The following SLC35F2 variants were observed in gnomAD, a reference collection of about 807,000 sequenced individuals.
The protein encoded by SLC35F2 is solute carrier family 35 member F2.
A neutral mutation model predicts 38.1 loss-of-function variants in SLC35F2; 25 were observed. The observed-to-expected ratio is 0.66, with a 90% CI of 0.48 to 0.92. SLC35F2 has a LOEUF of 0.92. Among genes scored for constraint, SLC35F2 ranks in the 40% least tolerant of loss-of-function variants. The pLI is 0.00. For synonymous variants in SLC35F2, 173 were observed against 181.7 expected (o/e 0.95, Z 0.38); for missense variants, 409 against 452.9 (o/e 0.90, Z 0.88).
At chr11:107,798,769 A>G (rs576817441) in intron 7 of SLC35F2, among the ~76,000 whole-genome samples, 1 of 152,246 alleles carries the variant, frequency 6.6e-6, no homozygotes, top group African/African-American at 2.4e-5. Context: ...CAAGCTTACA[A>G]TCTGCCTTTA....
At chr11:107,821,459 G>C in intron 1 of SLC35F2, 4 of 985,350 alleles carry the variant, frequency 4.1e-6, no homozygotes, top group Non-Finnish European at 4.8e-6. Flanking sequence ...AGAGAGAAAA[G>C]CTGGCGGGGA....
chr11:107,818,653 A>G (rs2134800224), intron 1 of SLC35F2, among the ~76,000 whole-genome samples: 2 of 152,302 alleles, frequency 1.3e-5, no homozygotes, highest in South Asian at 2.1e-4. Flanking sequence ...AGGGCCATCC[A>G]TATTGATACA....
At chr11:107,799,830 A>T (rs1425144263) in intron 7 of SLC35F2, among the ~76,000 whole-genome samples, 1 of 139,322 alleles carries the variant, frequency 7.2e-6, no homozygotes, top group Non-Finnish European at 1.6e-5. Flanking sequence ...GGCCTCCCAA[A>T]GTGCAGGCGT....
At chr11:107,855,321 G>C (rs762146966) in intron 1 of SLC35F2, among the ~76,000 whole-genome samples, 7 of 152,062 alleles carry the variant, frequency 4.6e-5, no homozygotes, top group Non-Finnish European at 8.8e-5. Context: ...GGTTGTGGTA[G>C]ATATAAAAAA....
At chr11:107,845,438 T>G (rs530951321) in intron 1 of SLC35F2, among the ~76,000 whole-genome samples, 17 of 151,706 alleles carry the variant, frequency 1.1e-4, no homozygotes, top group Middle Eastern at 3.4e-3. Context: ...GGAGGATTGC[T>G]TGAGCCTAGG....
chr11:107,839,650 C>A (rs961743045), intron 1 of SLC35F2, among the ~76,000 whole-genome samples: 1 of 152,098 alleles, frequency 6.6e-6, no homozygotes, highest in African/African-American at 2.4e-5. Flanking sequence ...AAGGAGAAAG[C>A]GTGAAACACA....
intron 7 of SLC35F2, among the ~76,000 whole-genome samples, chr11:107,797,958 T>C (rs982920692): frequency 1.3e-5 from 2 of 151,936 alleles, no homozygotes; most frequent in South Asian, 4.1e-4. Context: ...CTGTTTGGAG[T>C]ACTCTAAACT....
chr11:107,827,329 T>C (rs1019495445), intron 1 of SLC35F2, among the ~76,000 whole-genome samples: 1 of 152,098 alleles, frequency 6.6e-6, no homozygotes, highest in African/African-American at 2.4e-5. Context: ...TAAAAAGAAC[T>C]AGGAGCTGGG....
At chr11:107,797,312 G>T (rs923009027) in intron 7 of SLC35F2, among the ~76,000 whole-genome samples, 1 of 150,764 alleles carries the variant, frequency 6.6e-6, no homozygotes, top group African/African-American at 2.5e-5. Context: ...AACAGAATGG[G>T]CTAGGGAAGG....
rs144720249 is a variant in SLC35F2, at chr11:107,830,085, G to C, written c.111-14120C>G. ...GAGACCAGCCTGGGCAAAATAGCAAGACCTCATCTCTATAAAAGTTAAAAA... is the reference window on the plus strand; with the variant it reads ...GAGACCAGCCTGGGCAAAATAGCAACACCTCATCTCTATAAAAGTTAAAAA... On this transcript the variant is annotated intron_variant, in intron 1 of 7. Transcript: ENST00000525815. 2.1e-3 allele frequency among the ~76,000 whole-genome samples: 316 copies of C among 151,162 alleles called. 2 individuals carry two copies. The highest frequency in any genetic ancestry group is 7.4e-3 in the African/African-American group (304 of 41,140).
At chr11:107,827,432 G>C (rs956212560) in intron 1 of SLC35F2, among the ~76,000 whole-genome samples, 2 of 151,646 alleles carry the variant, frequency 1.3e-5, no homozygotes, top group Non-Finnish European at 2.9e-5. Flanking sequence ...CTGGCCAAAA[G>C]GGTGAAACCC....
At chr11:107,810,515 C>A (rs1336091936) in intron 3 of SLC35F2, 8 of 985,128 alleles carry the variant, frequency 8.1e-6, no homozygotes, top group African/African-American at 1.7e-5. Context: ...ACTTCATTAA[C>A]CAACGCTAAA....
chr11:107,820,287 A>G (rs1859647630), intron 1 of SLC35F2, among the ~76,000 whole-genome samples: 1 of 151,440 alleles, frequency 6.6e-6, no homozygotes, highest in South Asian at 2.1e-4. Context: ...GGAGAGAGAG[A>G]AAAGAAAGGG....
chr11:107,848,358 C>T (rs1403926283), intron 1 of SLC35F2, among the ~76,000 whole-genome samples: 3 of 152,166 alleles, frequency 2.0e-5, no homozygotes, highest in Non-Finnish European at 4.4e-5. Flanking sequence ...TTTGTTTTAG[C>T]TGCAGAGCCC....
At chr11:107,804,599 T>C in intron 6 of SLC35F2, 119 bp downstream of exon 6, 2 of 744,446 alleles carry the variant, frequency 2.7e-6, no homozygotes, top group Non-Finnish European at 2.2e-6. Flanking sequence ...TTGATATGTA[T>C]TAAATCACTC....
At chr11:107,822,772 A>G (rs116241300) in intron 1 of SLC35F2, among the ~76,000 whole-genome samples, 607 of 152,268 alleles carry the variant, frequency 4.0e-3, no homozygotes, top group African/African-American at 0.014. Flanking sequence ...AAGGGTTAAA[A>G]TAAGAGTTGT....
At position 107,834,146 on chromosome 11, in the gene SLC35F2, T is replaced by C. The variant is rs142694643; in HGVS notation, c.111-18181A>G. On this transcript the variant is annotated intron_variant, in intron 1 of 7. Coordinates refer to ENST00000525815, the MANE Select transcript of SLC35F2 (RefSeq NM_017515.5). ...CAGGTTAACTCCTTGCGGAAGGGGA[T>C]TGGGTAAGGAGCCCTTAGTGTCTTG... Among the ~76,000 whole-genome samples the C allele has an allele frequency of 4.3e-4, 65 of 152,256 alleles. 2 individuals carry two copies. The highest frequency in any genetic ancestry group is 1.4e-3 in the African/African-American group (59 of 41,552).
In SLC35F2 at chr11:107,791,365, G is replaced by A. The variant is rs1028562555; in HGVS notation, c.*1250C>T. The A allele has an allele frequency of 6.6e-6, 1 of 152,160 alleles. No individual in the cohort carries two copies. Among genetic ancestry groups the A allele is most frequent in the African/African-American group, 2.4e-5 (1 of 41,448 alleles). 9.4% of individuals were successfully genotyped at this position (152,160 alleles called of 1,614,324 possible). On this transcript the variant is annotated 3_prime_UTR_variant, in exon 8 of 8. Coordinates refer to ENST00000525815, the MANE Select transcript of SLC35F2 (RefSeq NM_017515.5). ...GCACTAAGACTTAGTTTCTTGAGCT[G>A]ATGCTAAATAAAATGAGATCAATAG... is the stretch of plus-strand genomic sequence containing the variant.
chr11:107,835,059 G>C (rs1056937104), intron 1 of SLC35F2, among the ~76,000 whole-genome samples: 1 of 152,152 alleles, frequency 6.6e-6, no homozygotes. Context: ...ATGAGAGAGA[G>C]TTACGCAGAA....
Sources: allele counts gnomAD v4.1 joint callset (sites outside exome capture counted in the v4.1 genomes callset), GRCh38; gene constraint gnomAD v4.1.1; transcripts MANE v1.5; gene names NCBI Gene and HGNC (gene_info 2026-07-23, HGNC 2026-07-21).